SRGAP1: variants seen among roughly 807,000 people sequenced by gnomAD.
SRGAP1 encodes SLIT-ROBO Rho GTPase activating protein 1.
In SRGAP1, 43 loss-of-function variants were observed where a neutral mutation model predicts 121.9. That is an observed-to-expected ratio of 0.35 (90% CI 0.28 to 0.46). SRGAP1 has a LOEUF of 0.46. Ranked by LOEUF, SRGAP1 falls within the 20% of genes least tolerant of loss-of-function variation. The pLI, the probability that SRGAP1 is intolerant of heterozygous loss-of-function variation, is 1.00. For synonymous variants in SRGAP1, 447 were observed against 485.4 expected (o/e 0.92, Z 1.04); for missense variants, 1,102 against 1,350.9 (o/e 0.82, Z 2.89).
At chr12:63,930,860 A>C (rs2031452793) in intron 1 of SRGAP1, among the ~76,000 whole-genome samples, 1 of 152,194 alleles carries the variant, frequency 6.6e-6, no homozygotes, top group African/African-American at 2.4e-5. Context: ...TTAAAAGATG[A>C]ATATGGCCAG....
intron 1 of SRGAP1, among the ~76,000 whole-genome samples, chr12:63,861,798 G>A (rs1899461788): frequency 6.6e-6 from 1 of 152,014 alleles, no homozygotes; most frequent in South Asian, 2.1e-4. Context: ...ACCAGCCTGG[G>A]CAACATAGTG....
At chr12:64,032,307 G>T (rs557917424) in intron 4 of SRGAP1, 3 of 338,016 alleles carry the variant, frequency 8.9e-6, no homozygotes, top group African/African-American at 6.6e-5. Context: ...CATCCCATGG[G>T]CAGGCCAGTT....
At chr12:63,859,404 T>A (rs1899368701) in intron 1 of SRGAP1, among the ~76,000 whole-genome samples, 1 of 152,162 alleles carries the variant, frequency 6.6e-6, no homozygotes, top group Non-Finnish European at 1.5e-5. Context: ...TGGCCTCAAA[T>A]GATACACTCG....
At position 64,148,433 on chromosome 12, in the gene SRGAP1, C is replaced by G. The variant is rs1186045239; in HGVS notation, c.*5761C>G. On this transcript the variant is annotated 3_prime_UTR_variant, in exon 22 of 22. Coordinates refer to ENST00000355086, the MANE Select transcript of SRGAP1 (RefSeq NM_020762.4). ...AGTAGCTGTAATTACAGGCACCCGC[C>G]ACCACACCCAGCTACTTTTCGTATT... The G allele has an allele frequency of 1.3e-5, 2 of 151,878 alleles. No individual in the cohort carries two copies. The highest frequency in any genetic ancestry group is 2.9e-5 in the Non-Finnish European group (2 of 67,998). 9.4% of individuals were successfully genotyped at this position (151,878 alleles called of 1,614,324 possible).
At chr12:64,078,529 T>G (rs1457748004) in intron 8 of SRGAP1, among the ~76,000 whole-genome samples, 1 of 152,180 alleles carries the variant, frequency 6.6e-6, no homozygotes, top group Non-Finnish European at 1.5e-5. Context: ...ATAATATACT[T>G]TTTCTTGGTC....
intron 6 of SRGAP1, among the ~76,000 whole-genome samples, chr12:64,054,535 T>A (rs996028377): frequency 1.3e-5 from 2 of 152,244 alleles, no homozygotes; most frequent in African/African-American, 4.8e-5. Context: ...CCCATTGTAG[T>A]ACTGTATTCC....
At chr12:64,099,875 C>T (rs1297401034) in intron 15 of SRGAP1, among the ~76,000 whole-genome samples, 1 of 152,088 alleles carries the variant, frequency 6.6e-6, no homozygotes. Flanking sequence ...AATCATTTCA[C>T]ACTTTTATTG....
At chr12:64,082,637 C>T (rs868049988) in intron 10 of SRGAP1, among the ~76,000 whole-genome samples, 1 of 151,928 alleles carries the variant, frequency 6.6e-6, no homozygotes, top group African/African-American at 2.4e-5. Flanking sequence ...TTAGTAGAGA[C>T]AGGGGTCTCA....
intron 4 of SRGAP1, among the ~76,000 whole-genome samples, chr12:64,036,918 T>C (rs2034916481): frequency 6.6e-6 from 1 of 152,216 alleles, no homozygotes; most frequent in African/African-American, 2.4e-5. Flanking sequence ...GTACCCTGGC[T>C]CTTCTTACAG....
intron 15 of SRGAP1, chr12:64,097,595 C>T: frequency 4.9e-6 from 2 of 409,692 alleles, no homozygotes; most frequent in Non-Finnish European, 8.4e-6. Context: ...CATCCTCTGG[C>T]TCCAGAAAGC....
Position 63,861,402 on chromosome 12 carries a change from C to T in SRGAP1, c.67+16519C>T, listed in dbSNP as rs936627147. The stretch of plus-strand genomic sequence containing the variant: ...GCAACCTCCGCCTCCCAGGATCAAG[C>T]GATTCTCATACCTCAACCTCTGGAG... On this transcript the variant is annotated intron_variant, in intron 1 of 21. Transcript: ENST00000355086. Among the ~76,000 whole-genome samples the T allele has an allele frequency of 2.6e-5, 4 of 151,200 alleles. No individual in the cohort carries two copies. The South Asian group carries it at 8.4e-4, about 32-fold the overall frequency.
intron 1 of SRGAP1, among the ~76,000 whole-genome samples, chr12:63,909,716 AATTG>A (rs2030403697): frequency 1.3e-5 from 2 of 152,224 alleles, no homozygotes; most frequent in South Asian, 4.1e-4. Flanking sequence ...ATTTGCTTGT[AATTG>A]CTTATAACAG....
intron 21 of SRGAP1, among the ~76,000 whole-genome samples, chr12:64,137,366 T>C (rs1038268020): frequency 1.3e-5 from 2 of 151,938 alleles, no homozygotes; most frequent in African/African-American, 2.4e-5. Context: ...AAAAAATCCA[T>C]ATGTTTAGCC....
intron 15 of SRGAP1, 78 bp from the exon 16 acceptor site, chr12:64,108,854 G>T (rs186759823): frequency 5.4e-6 from 5 of 928,910 alleles, no homozygotes; most frequent in Non-Finnish European, 8.0e-6. Context: ...GATGTGTACC[G>T]GTAATACATG....
At chr12:63,921,575 C>T (rs2031045111) in intron 1 of SRGAP1, among the ~76,000 whole-genome samples, 1 of 152,210 alleles carries the variant, frequency 6.6e-6, no homozygotes. Context: ...AATGATACTT[C>T]CTTGGAAAAG....
At position 64,128,407 on chromosome 12, in the gene SRGAP1, T is replaced by G. The variant is rs541485075; in HGVS notation, c.2880+207T>G. 3.9e-5 allele frequency among the ~76,000 whole-genome samples: 6 copies of G among 152,268 alleles called. No individual in the cohort carries two copies. In the East Asian group the frequency reaches 1.2e-3, roughly 29 times the overall value. ...ATTTGTTACTGAAAGGGCCCAAAGG[T>G]TCATAGTGATTTAAACAGAAACATG... On this transcript the variant is annotated intron_variant, in intron 21 of 21. Coordinates refer to ENST00000355086, the MANE Select transcript of SRGAP1 (RefSeq NM_020762.4).
chr12:63,863,965 C>G (rs1899540510), intron 1 of SRGAP1, among the ~76,000 whole-genome samples: 1 of 152,132 alleles, frequency 6.6e-6, no homozygotes, highest in Admixed American at 6.6e-5. Context: ...GTTTGAACCC[C>G]CAGCCACCTT....
At position 64,077,938 on chromosome 12, in the gene SRGAP1, A is replaced by G. The variant is rs576330306; in HGVS notation, c.1126-981A>G. On this transcript the variant is annotated intron_variant, in intron 8 of 21. Transcript: ENST00000355086. Reference sequence around the variant, plus strand: ...GACTCATAACTTAGAAAATGGAGCAAGAGATTTTAACAAAGTGTTCTCAAT... The same window carrying G: ...GACTCATAACTTAGAAAATGGAGCAGGAGATTTTAACAAAGTGTTCTCAAT... Among the ~76,000 whole-genome samples the G allele has an allele frequency of 2.6e-5, 4 of 152,224 alleles. No individual in the cohort carries two copies. In the South Asian group the frequency reaches 6.2e-4, roughly 24 times the overall value.
At chr12:63,966,303 A>G (rs2032789147) in intron 1 of SRGAP1, among the ~76,000 whole-genome samples, 1 of 152,132 alleles carries the variant, frequency 6.6e-6, no homozygotes, top group Non-Finnish European at 1.5e-5. Context: ...CTATATTTGA[A>G]CTTTTTCCAT....
Sources: allele counts gnomAD v4.1 joint callset (sites outside exome capture counted in the v4.1 genomes callset), GRCh38; gene constraint gnomAD v4.1.1; transcripts MANE v1.5; gene names NCBI Gene and HGNC (gene_info 2026-07-23, HGNC 2026-07-21).